Variants in SYAP1 observed in about 807,000 individuals in gnomAD.
SYAP1 encodes synapse-associated protein 1.
SYAP1 carries 3 observed loss-of-function variants against 29.6 expected under a neutral mutation model. The ratio of observed to expected loss-of-function variants is 0.10; its 90% CI spans 0.05 to 0.26. The LOEUF (loss-of-function observed/expected upper bound fraction) is 0.26. SYAP1 is among the 10% of genes least tolerant of loss of function. The pLI, the probability that SYAP1 is intolerant of heterozygous loss-of-function variation, is 1.00. For synonymous variants in SYAP1, 102 were observed against 102.7 expected (o/e 0.99, Z 0.04); for missense variants, 217 against 264.1 (o/e 0.82, Z 1.24).
intron 1 of SYAP1, among the ~76,000 whole-genome samples, chrX:16,730,826 T>C (rs749151908): frequency 6.7e-4 from 75 of 112,254 alleles, no homozygotes; most frequent in Non-Finnish European, 1.2e-3. Flanking sequence ...AAAATCTCTT[T>C]TCTCTAATAC....
Position 16,735,306 on chromosome X carries a change from A to G in SYAP1, c.255A>G (p.Lys85=). The G allele has an allele frequency of 8.4e-7, 1 of 1,195,984 alleles. No homozygotes were observed. The highest frequency in any genetic ancestry group is 1.8e-5 in the South Asian group (1 of 54,466). Residue 85 remains lysine, a synonymous_variant, in exon 2 of 9, where the codon AAA becomes AAG. Coordinates refer to ENST00000380155, the MANE Select transcript of SYAP1 (RefSeq NM_032796.4). ...SVAETAQTIK[K]SVEEGKIDGI... ...CTGAAACAGCACAAACAATAAAGAA[A>G]TCCGTAGAAGAAGGAAAAATAGATG...
chrX:16,739,879 T>C (rs909496231), intron 3 of SYAP1, among the ~76,000 whole-genome samples: 1 of 111,384 alleles, frequency 9.0e-6, no homozygotes, highest in Non-Finnish European at 1.9e-5. Flanking sequence ...TCCACATTTT[T>C]GTGACTTCTG....
chrX:16,732,100 G>A (rs894620528), intron 1 of SYAP1, among the ~76,000 whole-genome samples: 28 of 112,292 alleles, frequency 2.5e-4, no homozygotes, highest in African/African-American at 8.7e-4. Flanking sequence ...TGGCAACTCC[G>A]AAGACATTTC....
At position 16,765,233 on chromosome X, in the gene SYAP1, G is replaced by A. The variant is rs1192369719; in HGVS notation, c.*4874G>A. ...CCATCGATGATTTCAGTTGTTAAAA[G>A]TGTGGCTTTTTAAACAGCATTTATT... On this transcript the variant is annotated 3_prime_UTR_variant, in exon 9 of 9. Transcript: ENST00000380155. 2 of 112,296 alleles carry A rather than the reference G, an allele frequency of 1.8e-5. No homozygotes were observed. The highest frequency in any genetic ancestry group is 1.9e-4 in the Admixed American group (2 of 10,483). The allele number at this position is 112,296 out of a possible 1,213,427, so 9.3% of individuals were successfully genotyped here. A position where few individuals can be genotyped will look rare whatever the true frequency, so the allele number is the denominator to read the frequency against.
At chrX:16,749,910 CA>C (rs201193907) in intron 5 of SYAP1, among the ~76,000 whole-genome samples, 26,581 of 57,838 alleles carry the variant, frequency 0.46, 5,136 homozygotes, top group African/African-American at 0.71. Flanking sequence ...GACTCCATCT[CA>C]AAAAAAAAAA....
At chrX:16,759,525 G>A (rs1196917010) in intron 8 of SYAP1, among the ~76,000 whole-genome samples, 1 of 111,738 alleles carries the variant, frequency 8.9e-6, no homozygotes, top group African/African-American at 3.3e-5. Flanking sequence ...ATCTCAACGC[G>A]GAAGACCAGT....
chrX:16,726,849 A>G (rs1273175535), intron 1 of SYAP1, among the ~76,000 whole-genome samples: 4 of 111,680 alleles, frequency 3.6e-5, no homozygotes. Flanking sequence ...TGTAACAGCA[A>G]CACATATAAA....
intron 8 of SYAP1, among the ~76,000 whole-genome samples, chrX:16,757,819 A>G (rs945703812): frequency 9.2e-6 from 1 of 108,950 alleles, no homozygotes; most frequent in African/African-American, 3.3e-5. Context: ...AGATGGGACA[A>G]TCACTTGAAC....
In SYAP1 at chrX:16,737,798, G is replaced by A. The variant is rs190607672; in HGVS notation, c.361+1566G>A. Among the ~76,000 whole-genome samples, 6 of 112,144 alleles carry A rather than the reference G, an allele frequency of 5.4e-5. No individual in the cohort carries two copies. The East Asian group carries it at 1.1e-3, about 21-fold the overall frequency. ...TAACTACATATGGCTAATGGCTTCC[G>A]CACTGGACAATGCAGATATAGAACA... is the stretch of plus-strand genomic sequence containing the variant. On this transcript the variant is annotated intron_variant, in intron 3 of 8. Transcript: ENST00000380155.
chrX:16,729,025 C>T (rs375202862), intron 1 of SYAP1, among the ~76,000 whole-genome samples: 1 of 95,783 alleles, frequency 1.0e-5, no homozygotes, highest in Non-Finnish European at 2.0e-5. Context: ...GGCAACAGAG[C>T]GAGCAGCTAT....
intron 8 of SYAP1, among the ~76,000 whole-genome samples, chrX:16,757,741 A>AAAT (rs963826166): frequency 2.8e-5 from 3 of 106,328 alleles, no homozygotes; most frequent in Admixed American, 1.0e-4. Flanking sequence ...ATAAATAAAT[A>AAAT]AATAATAAGT....
intron 5 of SYAP1, among the ~76,000 whole-genome samples, chrX:16,751,685 T>C (rs1328804981): frequency 8.5e-5 from 9 of 106,043 alleles, no homozygotes; most frequent in East Asian, 2.9e-4. Flanking sequence ...CTTTTCTTTT[T>C]TTTTTTTTTT....
At chrX:16,719,935 G>C in intron 1 of SYAP1, 36 bp downstream of exon 1, 1 of 1,152,769 alleles carries the variant, frequency 8.7e-7, no homozygotes, top group South Asian at 1.9e-5. Context: ...GGGAAGGGGG[G>C]GGCGCATTCC....
At chrX:16,754,807 A>T (rs1380386816) in intron 5 of SYAP1, 138 bp from the exon 6 acceptor site, 3 of 570,386 alleles carry the variant, frequency 5.3e-6, no homozygotes, top group Non-Finnish European at 8.7e-6. Context: ...CAAATCATCT[A>T]CTCCAGTCCC....
intron 1 of SYAP1, among the ~76,000 whole-genome samples, chrX:16,732,562 G>A (rs1258804042): frequency 8.1e-5 from 9 of 111,166 alleles, no homozygotes; most frequent in Non-Finnish European, 1.7e-4. Flanking sequence ...GTGAGCCACC[G>A]CGCCCAGCCC....
intron 4 of SYAP1, among the ~76,000 whole-genome samples, chrX:16,742,142 G>GTTT (rs1569250113): frequency 1.4e-4 from 9 of 63,543 alleles, no homozygotes; most frequent in African/African-American, 6.9e-4. Flanking sequence ...ATTTTTGTGT[G>GTTT]GTTTTTTTTT....
rs1569253807 is a variant in SYAP1, at chrX:16,760,290, G to A, written c.990G>A (p.Val330=). Reference sequence around the variant, plus strand: ...AGGAACTTCAAGAATATGAAGTGGTGACAGAATCTGAAAAACGAGATGAAA... The same window carrying A: ...AGGAACTTCAAGAATATGAAGTGGTAACAGAATCTGAAAAACGAGATGAAA... ...LQQELQEYEV[V]TESEKRDENW... The change falls in exon 9 of 9, where the codon GTG becomes GTA. Residue 330 remains valine (V), a synonymous_variant. Transcript: ENST00000380155. 8.3e-7 allele frequency: 1 copy of A among 1,199,927 alleles called. No homozygotes were observed. Among genetic ancestry groups the A allele is most frequent in the Admixed American group, 2.3e-5 (1 of 44,243 alleles).
chrX:16,757,023 G>A, intron 7 of SYAP1, 139 bp from the exon 8 acceptor site: 1 of 773,476 alleles, frequency 1.3e-6, no homozygotes, highest in Non-Finnish European at 1.9e-6. Context: ...GAAGGTTGGA[G>A]AGCAGTGCTC....
At chrX:16,743,135 C>G (rs760334791) in intron 4 of SYAP1, among the ~76,000 whole-genome samples, 20 of 107,744 alleles carry the variant, frequency 1.9e-4, no homozygotes, top group African/African-American at 6.7e-4. Context: ...CGAGACCAGC[C>G]TGGCCAACAT....
Sources: gnomAD v4.1 joint callset for allele counts (sites outside exome capture counted in the v4.1 genomes callset) on GRCh38, gnomAD v4.1.1 for gene constraint, MANE v1.5 for transcripts, NCBI Gene and HGNC (gene_info 2026-07-23, HGNC 2026-07-21) for gene names.